Variants in VWA3B observed in about 807,000 individuals in gnomAD.
The protein encoded by VWA3B is von Willebrand factor A domain-containing protein 3B.
Under a neutral mutation model 158.3 loss-of-function variants are expected in VWA3B, and 138 were observed. The ratio of observed to expected loss-of-function variants is 0.87; its 90% CI spans 0.76 to 1.00. The LOEUF (loss-of-function observed/expected upper bound fraction) is 1.00, where lower values mean the gene tolerates loss of function less well. Among genes scored for constraint, VWA3B ranks in the 50% least tolerant of loss-of-function variants. The pLI, the probability that VWA3B is intolerant of heterozygous loss-of-function variation, is 0.00. For missense variants in VWA3B, 1,555 were observed against 1,565.1 expected, an observed-to-expected ratio of 0.99 and a Z score of 0.11; for synonymous variants, 596 against 587.3, an observed-to-expected ratio of 1.01 and a Z score of -0.21.
chr2:98,161,051 G>C (rs183231440), intron 7 of VWA3B, among the ~76,000 whole-genome samples: 68 of 152,308 alleles, frequency 4.5e-4, no homozygotes, highest in African/African-American at 1.5e-3. Context: ...TTGGCCCCGG[G>C]TGGATGAGTC....
At chr2:98,318,047 CTAT>C (rs1574339767), downstream of VWA3B, among the ~76,000 whole-genome samples, 2 of 152,176 alleles carry the variant, frequency 1.3e-5, no homozygotes, top group East Asian at 3.9e-4. Flanking sequence ...GTCAGAATGG[CTAT>C]TATTAAAAGT....
At chr2:98,172,383 G>C (rs1679667004) in intron 8 of VWA3B, among the ~76,000 whole-genome samples, 1 of 151,508 alleles carries the variant, frequency 6.6e-6, no homozygotes, top group South Asian at 2.1e-4. Context: ...TGGCATGCCG[G>C]TGCGTTCCTC....
chr2:98,139,153 A>G (rs1464080013), intron 7 of VWA3B, among the ~76,000 whole-genome samples: 4 of 152,232 alleles, frequency 2.6e-5, no homozygotes, highest in Non-Finnish European at 5.9e-5. Flanking sequence ...CCAGGCCAGC[A>G]GCTGCGGAGG....
rs1486240827 is a variant in VWA3B at position 98,119,778 on chromosome 2, G to T, written c.542+15G>T. ...AATATCATACGGTGAGTTCCCATAGGAAGGGAGTATTTTAGTGAAAGTTCA... is the reference window on the plus strand; with the variant it reads ...AATATCATACGGTGAGTTCCCATAGTAAGGGAGTATTTTAGTGAAAGTTCA... On this transcript the variant is annotated intron_variant, in intron 4 of 27. Coordinates refer to ENST00000477737, the MANE Select transcript of VWA3B (RefSeq NM_144992.5). 1 of 1,610,786 alleles carries T rather than the reference G, an allele frequency of 6.2e-7. No individual in the cohort carries two copies. The highest frequency in any genetic ancestry group is 1.1e-5 in the South Asian group (1 of 90,908).
the VWA3B span, among the ~76,000 whole-genome samples, chr2:98,320,771 G>T: frequency 6.6e-6 from 1 of 152,160 alleles, no homozygotes; most frequent in Non-Finnish European, 1.5e-5. Flanking sequence ...GTGACAGAGC[G>T]TAGAAGTTCG....
intron 19 of VWA3B, among the ~76,000 whole-genome samples, chr2:98,248,823 T>TTTTCTTTCTTTCTTTCTTTCTTTC: frequency 7.3e-6 from 1 of 137,812 alleles, no homozygotes; most frequent in South Asian, 2.4e-4. Flanking sequence ...TTCTCTTTCT[T>TTTTCTTTCTTTCTTTCTTTCTTTC]TTTCTTTCTT....
rs139445998 is a variant in VWA3B, at chr2:98,198,670, C to T, written c.1737+4178C>T. On this transcript the variant is annotated intron_variant, in intron 12 of 27. Transcript: ENST00000477737. ...CACTCCCAAAATGTCCTCATATGCC[C>T]CTTTGTCACCAACTCCCCCTCCCTC... Among the ~76,000 whole-genome samples the T allele has an allele frequency of 2.0e-5, 3 of 152,208 alleles. No homozygotes were observed. The East Asian group carries it at 5.8e-4, about 29-fold the overall frequency.
intron 12 of VWA3B, among the ~76,000 whole-genome samples, chr2:98,202,565 C>T (rs1179964456): frequency 3.3e-5 from 5 of 151,682 alleles, no homozygotes; most frequent in Admixed American, 1.3e-4. Context: ...TAAATTAAAT[C>T]TCCATTTCTT....
intron 8 of VWA3B, among the ~76,000 whole-genome samples, chr2:98,179,725 T>TTC (rs1207511802): frequency 1.1e-4 from 17 of 151,482 alleles, no homozygotes; most frequent in South Asian, 6.3e-4. Flanking sequence ...TTTCTTTTTC[T>TTC]TCTCTCTCTC....
At chr2:98,185,988 C>A (rs995280041) in intron 9 of VWA3B, among the ~76,000 whole-genome samples, 7 of 152,062 alleles carry the variant, frequency 4.6e-5, no homozygotes, top group Non-Finnish European at 1.5e-5. Flanking sequence ...TTCAATTCTC[C>A]TCCCATGCTC....
chr2:98,322,707 C>A, the VWA3B span, among the ~76,000 whole-genome samples: 15 of 152,214 alleles, frequency 9.9e-5, no homozygotes, highest in African/African-American at 2.6e-4. Context: ...GGGACAGAAC[C>A]CAAGTCTAGA....
chr2:98,089,056 A>T (rs551389156), intron 1 of VWA3B, among the ~76,000 whole-genome samples: 1 of 152,296 alleles, frequency 6.6e-6, no homozygotes, highest in South Asian at 2.1e-4. Context: ...GGGGCATTAC[A>T]GGAGTGAGCC....
At chr2:98,139,252 C>T (rs566165777) in intron 7 of VWA3B, among the ~76,000 whole-genome samples, 30 of 152,336 alleles carry the variant, frequency 2.0e-4, no homozygotes, top group African/African-American at 7.0e-4. Flanking sequence ...GGGCAGGCCT[C>T]GGGACTGCAG....
At chr2:98,321,997 C>T in the VWA3B span, among the ~76,000 whole-genome samples, 5 of 152,146 alleles carry the variant, frequency 3.3e-5, no homozygotes, top group African/African-American at 1.2e-4. Flanking sequence ...CTCATGAGAG[C>T]TGATGATTTC....
chr2:98,281,247 G>A (rs1366137931), intron 22 of VWA3B, among the ~76,000 whole-genome samples: 1 of 152,182 alleles, frequency 6.6e-6, no homozygotes, highest in Non-Finnish European at 1.5e-5. Context: ...GCCCTGTCCT[G>A]TTCACCAAGG....
rs1262549210 is a variant in VWA3B, at chr2:98,205,818, GTT to G, written c.1738-6110_1738-6109del. Among the ~76,000 whole-genome samples the G allele has an allele frequency of 9.2e-5, 14 of 152,186 alleles. No homozygotes were observed. In the East Asian group the frequency reaches 2.7e-3, roughly 29 times the overall value. On this transcript the variant is annotated intron_variant, in intron 12 of 27. Coordinates refer to ENST00000477737, the MANE Select transcript of VWA3B (RefSeq NM_144992.5). ...AAAGCATGTTTTAAAATTTCCAAGT[GTT>G]TGTGGAAATTTTCATGTTGTCTTTC...
chr2:98,256,315 A>G, intron 21 of VWA3B, 141 bp downstream of exon 21: 1 of 937,868 alleles, frequency 1.1e-6, no homozygotes, highest in South Asian at 1.9e-5. Context: ...TCTAGTTTCA[A>G]AACTTTTTCA....
intron 12 of VWA3B, among the ~76,000 whole-genome samples, chr2:98,210,499 C>T (rs1455091737): frequency 2.0e-5 from 3 of 152,154 alleles, no homozygotes; most frequent in Non-Finnish European, 2.9e-5. Context: ...GCACGTGGTA[C>T]TTATGTGCTT....
intron 8 of VWA3B, among the ~76,000 whole-genome samples, chr2:98,179,779 CTCTTTCTTTTCTTTCTTTCTT>C (rs1278567686): frequency 3.5e-4 from 32 of 90,970 alleles, no homozygotes; most frequent in African/African-American, 1.1e-3. Context: ...CTCTTTCTTT[CTCTTTCTTTTCTTTCTTTCTT>C]TCTTTCTTTC....
Sources: gnomAD v4.1 joint callset for allele counts (sites outside exome capture counted in the v4.1 genomes callset) on GRCh38, gnomAD v4.1.1 for gene constraint, MANE v1.5 for transcripts, NCBI Gene and HGNC (gene_info 2026-07-23, HGNC 2026-07-21) for gene names.